The following EPM2A variants were observed in gnomAD, a reference collection of about 807,000 sequenced individuals.
The protein encoded by EPM2A is laforin.
In EPM2A, 21 loss-of-function variants were observed where a neutral mutation model predicts 26.5. The observed-to-expected ratio is 0.79, with a 90% confidence interval of 0.56 to 1.14. EPM2A has a LOEUF of 1.14. EPM2A is among the 50% of genes most tolerant of loss of function. The pLI is 0.00. For synonymous variants in EPM2A, 217 were observed against 177.6 expected, an observed-to-expected ratio of 1.22 and a Z score of -1.76; for missense variants, 458 against 440.8, an observed-to-expected ratio of 1.04 and a Z score of -0.35.
At chr6:145,679,336 C>T (rs1023915234) in intron 2 of EPM2A, among the ~76,000 whole-genome samples, 2 of 151,426 alleles carry the variant, frequency 1.3e-5, no homozygotes, top group African/African-American at 4.9e-5. Flanking sequence ...TGCAGCAAAC[C>T]AACATGGCAC....
intron 2 of EPM2A, chr6:145,637,181 C>T (rs1262280257): frequency 6.6e-6 from 1 of 152,178 alleles, no homozygotes; most frequent in Non-Finnish European, 1.5e-5. Context: ...TTGTAATTTA[C>T]TTTGCATTGC....
At position 145,593,540 on chromosome 6, in the gene EPM2A, C is replaced by T. The variant is rs145379632; in HGVS notation, c.340+41705G>A. ...AGATCATGTTCCAGGCCATAAAACA[C>T]ACCTTAACAAATTTTTTGAACATAA... is the stretch of plus-strand genomic sequence containing the variant. On this transcript the variant is annotated intron_variant, in intron 2 of 3. Coordinates refer to the EPM2A transcript ENST00000450221. Among the ~76,000 whole-genome samples, 395 of 152,116 alleles carry T rather than the reference C, an allele frequency of 2.6e-3. 6 individuals carry two copies. The highest frequency in any genetic ancestry group is 9.1e-3 in the African/African-American group (377 of 41,516).
In EPM2A at chr6:145,626,525, G is replaced by C. The variant is rs1775820336; in HGVS notation, c.*891C>G. The C allele has an allele frequency of 1.0e-6, 1 of 985,696 alleles. No homozygotes were observed. The highest frequency in any genetic ancestry group is 1.2e-6 in the Non-Finnish European group (1 of 829,932). The allele number at this position is 985,696 out of a possible 1,614,324, so 61.1% of individuals were successfully genotyped here. A position where few individuals can be genotyped will look rare whatever the true frequency, so the allele number is the denominator to read the frequency against. On this transcript the variant is annotated 3_prime_UTR_variant, in exon 4 of 4. Coordinates refer to ENST00000367519, the MANE Select transcript of EPM2A (RefSeq NM_005670.4). ...GAATACTATTCTATGTCTCGCTATA[G>C]AAACTCCTGCAGGCATATTGACTAT...
chr6:145,418,213 C>A (rs1778734761), intron 4 of EPM2A, among the ~76,000 whole-genome samples: 1 of 152,214 alleles, frequency 6.6e-6, no homozygotes, highest in South Asian at 2.1e-4. Flanking sequence ...CTTGTCTATA[C>A]CTGCTCCTCA....
At chr6:145,680,471 A>G (rs928335945) in intron 2 of EPM2A, among the ~76,000 whole-genome samples, 1 of 151,780 alleles carries the variant, frequency 6.6e-6, no homozygotes, top group Non-Finnish European at 1.5e-5. Context: ...TACATGTGCC[A>G]TGCTGGTGTG....
rs552615191 is a variant in EPM2A at position 145,663,050 on chromosome 6, A to T, written c.476+23072T>A. On this transcript the variant is annotated intron_variant, in intron 2 of 3. Transcript: ENST00000367519. ...CATTTAAGTTTCCATAAAACTTAGCATGAGGAGTCATACCTAATATAATTA... is the reference window on the plus strand; with the variant it reads ...CATTTAAGTTTCCATAAAACTTAGCTTGAGGAGTCATACCTAATATAATTA... 2.6e-5 allele frequency among the ~76,000 whole-genome samples: 4 copies of T among 152,308 alleles called. No homozygotes were observed. In the South Asian group the frequency reaches 6.2e-4, roughly 24 times the overall value.
At chr6:145,727,583 A>C (rs1467120657) in intron 1 of EPM2A, among the ~76,000 whole-genome samples, 1 of 152,210 alleles carries the variant, frequency 6.6e-6, no homozygotes, top group Non-Finnish European at 1.5e-5. Flanking sequence ...ACTATGTATC[A>C]ACTACAATTG....
intron 2 of EPM2A, among the ~76,000 whole-genome samples, chr6:145,551,097 G>T (rs1454247577): frequency 2.6e-5 from 4 of 152,006 alleles, no homozygotes; most frequent in Non-Finnish European, 5.9e-5. Flanking sequence ...AGAAGTCTGA[G>T]TAAAATATGG....
intron 2 of EPM2A, among the ~76,000 whole-genome samples, chr6:145,592,735 T>C (rs1582881804): frequency 1.3e-5 from 2 of 152,110 alleles, no homozygotes; most frequent in Admixed American, 6.6e-5. Context: ...TGGCCAGTGA[T>C]GATGGGCAAG....
At chr6:145,631,983 T>A (rs764654543) in intron 3 of EPM2A, 2 of 152,080 alleles carry the variant, frequency 1.3e-5, no homozygotes, top group Non-Finnish European at 2.9e-5. Flanking sequence ...TGAAGTGTAA[T>A]ATAGATAGGA....
At chr6:145,713,348 T>A (rs1211546193) in intron 1 of EPM2A, among the ~76,000 whole-genome samples, 1 of 152,094 alleles carries the variant, frequency 6.6e-6, no homozygotes, top group East Asian at 1.9e-4. Context: ...AACACAGCAA[T>A]GAAAAGGCAA....
chr6:145,425,424 C>T (rs1042713298), intron 4 of EPM2A, among the ~76,000 whole-genome samples: 4 of 152,134 alleles, frequency 2.6e-5, no homozygotes, highest in Non-Finnish European at 5.9e-5. Context: ...ACCCACCTGC[C>T]TTTGCCTTCC....
chr6:145,443,491 A>C (rs1227065084), intron 4 of EPM2A, among the ~76,000 whole-genome samples: 1 of 152,068 alleles, frequency 6.6e-6, no homozygotes, highest in Non-Finnish European at 1.5e-5. Flanking sequence ...TTTTTGTGGC[A>C]ATTGTGAATA....
intron 4 of EPM2A, among the ~76,000 whole-genome samples, chr6:145,473,070 A>G (rs1325696550): frequency 1.3e-5 from 2 of 152,134 alleles, no homozygotes; most frequent in African/African-American, 4.8e-5. Flanking sequence ...GCACAAGGGA[A>G]CAATCCTGGA....
chr6:145,586,057 G>A (rs1781191989), intron 2 of EPM2A, among the ~76,000 whole-genome samples: 1 of 152,080 alleles, frequency 6.6e-6, no homozygotes. Flanking sequence ...TGGTCAACCT[G>A]GGCCCTCAGC....
At chr6:145,399,751 C>T (rs1417674436) in intron 4 of EPM2A, among the ~76,000 whole-genome samples, 1 of 152,104 alleles carries the variant, frequency 6.6e-6, no homozygotes, top group African/African-American at 2.4e-5. Flanking sequence ...TATGTCAACC[C>T]TTCAGGTGAG....
In EPM2A at chr6:145,626,522, A is replaced by G; in HGVS notation, c.*894T>C. 1.0e-6 allele frequency: 1 copy of G among 985,892 alleles called. No homozygotes were observed. Among genetic ancestry groups the G allele is most frequent in the Non-Finnish European group, 1.2e-6 (1 of 829,928 alleles). 61.1% of individuals were successfully genotyped at this position (985,892 alleles called of 1,614,324 possible). ...TCAGAATACTATTCTATGTCTCGCT[A>G]TAGAAACTCCTGCAGGCATATTGAC... On this transcript the variant is annotated 3_prime_UTR_variant, in exon 4 of 4. Transcript: ENST00000367519.
intron 1 of EPM2A, among the ~76,000 whole-genome samples, chr6:145,728,755 A>G (rs1266078704): frequency 1.3e-5 from 2 of 152,234 alleles, no homozygotes; most frequent in African/African-American, 4.8e-5. Context: ...ACCCATTTTT[A>G]GGGAGGAATT....
intron 4 of EPM2A, among the ~76,000 whole-genome samples, chr6:145,452,339 T>A (rs1582766544): frequency 6.6e-6 from 1 of 152,004 alleles, no homozygotes; most frequent in South Asian, 2.1e-4. Context: ...ATTTTTACCA[T>A]CTGCAGCTAA....
Sources: allele counts gnomAD v4.1 joint callset (sites outside exome capture counted in the v4.1 genomes callset), GRCh38; gene constraint gnomAD v4.1.1; transcripts MANE v1.5; gene names NCBI Gene and HGNC (gene_info 2026-07-23, HGNC 2026-07-21).